The following DNAH9 variants were observed in gnomAD, a reference collection of about 807,000 sequenced individuals.
DNAH9 encodes the protein DNAH9 variant protein.
A neutral mutation model predicts 471.6 loss-of-function variants in DNAH9; 345 were observed. That is an observed-to-expected ratio of 0.73 (90% CI 0.67 to 0.80). DNAH9 has a LOEUF of 0.80. Ranked by LOEUF, DNAH9 falls within the 30% of genes least tolerant of loss-of-function variation. The pLI is 0.00. For synonymous variants in DNAH9, 2,093 were observed against 2,123.6 expected, an observed-to-expected ratio of 0.99 and a Z score of 0.40; for missense variants, 5,407 against 5,609.2, an observed-to-expected ratio of 0.96 and a Z score of 1.15.
intron 9 of DNAH9, among the ~76,000 whole-genome samples, chr17:11,638,617 C>T (rs1254696770): frequency 6.6e-6 from 1 of 152,108 alleles, no homozygotes; most frequent in Non-Finnish European, 1.5e-5. Flanking sequence ...GAACTCTCGA[C>T]CTTATGATCT....
chr17:11,787,181 A>T (rs772867519), intron 41 of DNAH9, among the ~76,000 whole-genome samples: 1 of 152,254 alleles, frequency 6.6e-6, no homozygotes, highest in Non-Finnish European at 1.5e-5. Flanking sequence ...TGGTGGAAGA[A>T]GATTTCTGGA....
chr17:11,968,196 T>C (rs1316037602), intron 68 of DNAH9, among the ~76,000 whole-genome samples: 1 of 152,114 alleles, frequency 6.6e-6, no homozygotes, highest in African/African-American at 2.4e-5. Flanking sequence ...TTACAGTATG[T>C]TGGGGAAAAA....
chr17:11,967,870 TAG>T (rs895350237), intron 68 of DNAH9, among the ~76,000 whole-genome samples: 1 of 151,718 alleles, frequency 6.6e-6, no homozygotes, highest in African/African-American at 2.4e-5. Context: ...ATAGAAATTA[TAG>T]AGACAAAAAA....
chr17:11,608,331 T>C lies in DNAH9; in HGVS notation c.614+6T>C. 1 of 1,594,882 alleles carries C rather than the reference T, an allele frequency of 6.3e-7. No homozygotes were observed. The highest frequency in any genetic ancestry group is 1.1e-5 in the South Asian group (1 of 90,528). ...GATTCCAAAAGTGAGACAGTGTAAGTACCGCCAGCCTGGCCATATGGGCCT... is the reference window on the plus strand; with the variant it reads ...GATTCCAAAAGTGAGACAGTGTAAGCACCGCCAGCCTGGCCATATGGGCCT... On this transcript the variant is annotated splice_donor_region_variant and intron_variant, in intron 2 of 68. Transcript: ENST00000262442.
intron 17 of DNAH9, among the ~76,000 whole-genome samples, chr17:11,674,154 T>A (rs2074014881): frequency 6.6e-6 from 1 of 152,188 alleles, no homozygotes; most frequent in Non-Finnish European, 1.5e-5. Context: ...GTTTTGCTCT[T>A]CCCTAAGGAC....
intron 12 of DNAH9, among the ~76,000 whole-genome samples, chr17:11,647,535 A>G (rs1379133492): frequency 2.6e-5 from 4 of 152,108 alleles, no homozygotes; most frequent in Admixed American, 6.6e-5. Flanking sequence ...GGGTTGCTCA[A>G]TATATTTGCT....
At chr17:11,652,184 T>A (rs1273678911) in intron 13 of DNAH9, among the ~76,000 whole-genome samples, 1 of 151,964 alleles carries the variant, frequency 6.6e-6, no homozygotes, top group Non-Finnish European at 1.5e-5. Flanking sequence ...GGATATAAGA[T>A]TGCATTCCCT....
At chr17:11,619,344 C>T (rs1836139716) in intron 5 of DNAH9, among the ~76,000 whole-genome samples, 1 of 152,218 alleles carries the variant, frequency 6.6e-6, no homozygotes, top group African/African-American at 2.4e-5. Context: ...CATTCCTGAG[C>T]CAATCACTGT....
In DNAH9 at chr17:11,738,899, C is replaced by A; in HGVS notation, c.5834C>A (p.Ala1945Glu). The A allele has an allele frequency of 6.2e-7, 1 of 1,613,952 alleles. No individual in the cohort carries two copies. Among genetic ancestry groups the A allele is most frequent in the South Asian group, 1.1e-5 (1 of 91,060 alleles). ...CACCAGGTAAAAAGCATTCAAGATGCGATTAGAGATAAGAAGCAGTGGTTC... is the reference window on the plus strand; with the variant it reads ...CACCAGGTAAAAAGCATTCAAGATGAGATTAGAGATAAGAAGCAGTGGTTC... The part of the protein sequence containing the change: ...VAVQVKSIQD[A>E]IRDKKQWFSF... The change falls in exon 29 of 69, where the codon GCG (alanine) becomes GAG (glutamate). Residue 1945 changes from alanine (A) to glutamate (E), a missense_variant. Physicochemically the swap from Ala to Glu is moderately radical, Grantham distance 107. This residue lies in a region of DNAH9 where 4,636 missense variants were observed against 4,900.3 expected (regional missense o/e 0.95). Coordinates refer to ENST00000262442, the MANE Select transcript of DNAH9 (RefSeq NM_001372.4).
intron 18 of DNAH9, among the ~76,000 whole-genome samples, 166 bp from the exon 19 acceptor site, chr17:11,680,557 G>A (rs1193719770): frequency 6.6e-6 from 1 of 152,146 alleles, no homozygotes; most frequent in African/African-American, 2.4e-5. Flanking sequence ...AGGAAGTCGA[G>A]GAAGAGTGGG....
Position 11,923,811 on chromosome 17 carries a change from T to G in DNAH9, c.11750-3T>G. ...AATAATGACGCCTCCATCCTCCTTT[T>G]AGGAAGAAAACTTGGATACACCTTC... On this transcript the variant is annotated splice_region_variant and splice_polypyrimidine_tract_variant and intron_variant, in intron 61 of 68. Transcript: ENST00000262442. The G allele has an allele frequency of 6.2e-7, 1 of 1,613,656 alleles. No individual in the cohort carries two copies.
chr17:11,681,494 G>T (rs2074132397), intron 19 of DNAH9, among the ~76,000 whole-genome samples: 1 of 152,118 alleles, frequency 6.6e-6, no homozygotes, highest in South Asian at 2.1e-4. Flanking sequence ...TCTGCTTCTG[G>T]TCCACTGCTC....
At chr17:11,917,162 TG>T (rs1368365598) in intron 61 of DNAH9, among the ~76,000 whole-genome samples, 4 of 152,150 alleles carry the variant, frequency 2.6e-5, no homozygotes, top group African/African-American at 9.7e-5. Flanking sequence ...TTGTTTGTTT[TG>T]TTTTTTTGAG....
At chr17:11,625,362 T>G (rs997504741) in intron 6 of DNAH9, among the ~76,000 whole-genome samples, 1 of 152,190 alleles carries the variant, frequency 6.6e-6, no homozygotes, top group East Asian at 1.9e-4. Flanking sequence ...TTCTACCATC[T>G]CCAGCCACTC....
At chr17:11,912,290 C>T (rs981760431) in intron 61 of DNAH9, among the ~76,000 whole-genome samples, 7 of 152,006 alleles carry the variant, frequency 4.6e-5, no homozygotes, top group African/African-American at 1.7e-4. Flanking sequence ...GTGCTATCCT[C>T]ATATGTTCTT....
chr17:11,707,688 T>A (rs575100999), intron 26 of DNAH9, among the ~76,000 whole-genome samples: 1 of 152,276 alleles, frequency 6.6e-6, no homozygotes, highest in Admixed American at 6.5e-5. Flanking sequence ...CCACTCTGCA[T>A]GGACCAAAAT....
chr17:11,759,423 A>G (rs1250234572), intron 35 of DNAH9, among the ~76,000 whole-genome samples: 1 of 151,542 alleles, frequency 6.6e-6, no homozygotes, highest in Non-Finnish European at 1.5e-5. Flanking sequence ...AATGGACTCC[A>G]GTTCCATGCA....
intron 38 of DNAH9, among the ~76,000 whole-genome samples, chr17:11,771,073 T>C (rs1968186073): frequency 6.6e-6 from 1 of 152,192 alleles, no homozygotes; most frequent in South Asian, 2.1e-4. Flanking sequence ...TTTTGAATAT[T>C]TATTACCATG....
intron 14 of DNAH9, among the ~76,000 whole-genome samples, chr17:11,657,545 A>C (rs1453812556): frequency 6.6e-6 from 1 of 151,950 alleles, no homozygotes; most frequent in Non-Finnish European, 1.5e-5. Flanking sequence ...AATAGTTTTA[A>C]ATTTTCATGT....
Sources: allele counts gnomAD v4.1 joint callset (sites outside exome capture counted in the v4.1 genomes callset), GRCh38; gene constraint gnomAD v4.1.1; regional missense constraint gnomAD v4.1.1; transcripts MANE v1.5; gene names NCBI Gene and HGNC (gene_info 2026-07-23, HGNC 2026-07-21).